WWP2: variants seen among roughly 807,000 people sequenced by gnomAD.
The protein encoded by WWP2 is WW domain containing E3 ubiquitin protein ligase 2.
WWP2 carries 57 observed loss-of-function variants against 121.0 expected under a neutral mutation model. The ratio of observed to expected loss-of-function variants is 0.47; its 90% CI spans 0.38 to 0.59. The LOEUF (loss-of-function observed/expected upper bound fraction) is 0.59. Ranked by LOEUF, WWP2 falls within the 20% of genes least tolerant of loss-of-function variation. The pLI, the probability that WWP2 is intolerant of heterozygous loss-of-function variation, is 0.00. For missense variants in WWP2, 962 were observed against 1,158.9 expected, an observed-to-expected ratio of 0.83 and a Z score of 2.47; for synonymous variants, 449 against 441.3, an observed-to-expected ratio of 1.02 and a Z score of -0.22.
chr16:69,802,161 C>G lies in WWP2; in HGVS notation c.340+2866C>G, dbSNP rs537591805. 1.2e-3 allele frequency among the ~76,000 whole-genome samples: 177 copies of G among 152,190 alleles called. 2 individuals carry two copies. Among genetic ancestry groups the G allele is most frequent in the Middle Eastern group, 3.4e-3 (1 of 294 alleles). On this transcript the variant is annotated intron_variant, in intron 4 of 23. Transcript: ENST00000359154. ...GCCAGGCTGGTCTCGATCTCCTGAC[C>G]TCGTGATCTGCCCGCCTCGGCCTCC...
chr16:69,929,993 A>G lies in WWP2; in HGVS notation c.1317-137A>G, dbSNP rs2270839. Reference sequence around the variant, plus strand: ...CAGAACTGTTCTCACGACTTGGGTCATGCTTCTTGGGTGCATGTCCTCAAA... The same window carrying G: ...CAGAACTGTTCTCACGACTTGGGTCGTGCTTCTTGGGTGCATGTCCTCAAA... On this transcript the variant is annotated intron_variant, in intron 12 of 23. Transcript: ENST00000359154. 2.0e-3 allele frequency: 2,657 copies of G among 1,330,692 alleles called. 32 individuals are homozygous for G. The East Asian group carries it at 0.026, about 13-fold the overall frequency. The allele number at this position is 1,330,692 out of a possible 1,614,324, so 82.4% of individuals were successfully genotyped here.
At chr16:69,900,590 T>C (rs2058188823) in intron 8 of WWP2, among the ~76,000 whole-genome samples, 1 of 152,054 alleles carries the variant, frequency 6.6e-6, no homozygotes, top group Admixed American at 6.6e-5. Flanking sequence ...TGGTGCGATC[T>C]CAGATCACTG....
rs1177597515 is a variant in WWP2, at chr16:69,766,993, A to G, written c.-16+4602A>G. Among the ~76,000 whole-genome samples, 3 of 150,658 alleles carry G rather than the reference A, an allele frequency of 2.0e-5. No homozygotes were observed. In the East Asian group the frequency reaches 5.8e-4, roughly 29 times the overall value. ...AGCCTCAAAATCCTGACCTCAAGTG[A>G]TCTGCCTGCCTCGGCCTCCCAAAGT... On this transcript the variant is annotated intron_variant, in intron 1 of 23. Coordinates refer to ENST00000359154, the MANE Select transcript of WWP2 (RefSeq NM_001270454.2).
At chr16:69,849,068 C>T (rs1037911759) in intron 6 of WWP2, among the ~76,000 whole-genome samples, 16 of 152,208 alleles carry the variant, frequency 1.1e-4, no homozygotes, top group Non-Finnish European at 1.5e-4. Flanking sequence ...AAAGCCTAAC[C>T]GTCTCCGGTG....
At chr16:69,863,365 C>T (rs1348839001) in intron 6 of WWP2, among the ~76,000 whole-genome samples, 2 of 152,124 alleles carry the variant, frequency 1.3e-5, no homozygotes, top group Admixed American at 6.5e-5. Context: ...AAAGGCTGGG[C>T]GTGATGGCTC....
At chr16:69,915,099 G>A (rs903416237) in intron 9 of WWP2, among the ~76,000 whole-genome samples, 5 of 152,230 alleles carry the variant, frequency 3.3e-5, no homozygotes, top group African/African-American at 1.2e-4. Context: ...AGATGTGGCC[G>A]AGAGAGGAAG....
chr16:69,917,937 T>C, intron 10 of WWP2, 54 bp downstream of exon 10: 1 of 1,515,446 alleles, frequency 6.6e-7, no homozygotes, highest in Non-Finnish European at 8.9e-7. Flanking sequence ...CGCTTGCGAA[T>C]GTGCAGCCAC....
intron 1 of WWP2, among the ~76,000 whole-genome samples, chr16:69,768,559 G>C (rs1286065360): frequency 6.6e-6 from 1 of 152,092 alleles, no homozygotes; most frequent in African/African-American, 2.4e-5. Flanking sequence ...GCAGTGAGCC[G>C]AGATTGCATC....
intron 6 of WWP2, among the ~76,000 whole-genome samples, chr16:69,849,855 G>A (rs1035298080): frequency 5.5e-5 from 4 of 72,808 alleles, no homozygotes; most frequent in Non-Finnish European, 9.1e-5. Flanking sequence ...TTATACATTG[G>A]TTTATTTTGC....
At chr16:69,777,444 G>A (rs895288098) in intron 1 of WWP2, among the ~76,000 whole-genome samples, 2 of 151,588 alleles carry the variant, frequency 1.3e-5, no homozygotes, top group Admixed American at 1.3e-4. Flanking sequence ...GGGATTACAG[G>A]CACCTGCCAC....
chr16:69,836,079 A>C (rs533792005), intron 4 of WWP2, among the ~76,000 whole-genome samples: 36 of 152,358 alleles, frequency 2.4e-4, no homozygotes, highest in African/African-American at 8.2e-4. Context: ...CTGGGATTAC[A>C]GACGTGAGCC....
At chr16:69,776,616 G>A (rs1032706660) in intron 1 of WWP2, among the ~76,000 whole-genome samples, 2 of 152,106 alleles carry the variant, frequency 1.3e-5, no homozygotes, top group Non-Finnish European at 2.9e-5. Context: ...GATCACCTGA[G>A]GTCAGGTGTT....
intron 10 of WWP2, among the ~76,000 whole-genome samples, chr16:69,919,487 C>T (rs907254897): frequency 4.6e-5 from 7 of 151,992 alleles, no homozygotes; most frequent in African/African-American, 1.7e-4. Context: ...TTTTCTCGTC[C>T]AGAATTGTGG....
intron 9 of WWP2, among the ~76,000 whole-genome samples, chr16:69,912,630 A>T (rs1464091649): frequency 1.3e-5 from 2 of 151,796 alleles, no homozygotes; most frequent in African/African-American, 2.4e-5. Context: ...AGAAACATAG[A>T]TTGTGATATT....
chr16:69,933,468 A>G (rs1271568849), intron 16 of WWP2, among the ~76,000 whole-genome samples: 1 of 152,182 alleles, frequency 6.6e-6, no homozygotes, highest in Non-Finnish European at 1.5e-5. Flanking sequence ...TTACATTGTC[A>G]TGGATCGGGG....
chr16:69,865,111 G>A (rs756475186), intron 6 of WWP2, among the ~76,000 whole-genome samples: 3 of 151,176 alleles, frequency 2.0e-5, no homozygotes, highest in South Asian at 4.2e-4. Flanking sequence ...GTGCAGTGGC[G>A]TGATCTCGGC....
chr16:69,867,264 G>C (rs1342111585), intron 6 of WWP2, among the ~76,000 whole-genome samples: 1 of 152,006 alleles, frequency 6.6e-6, no homozygotes, highest in Admixed American at 6.6e-5. Flanking sequence ...CACGTGGTCA[G>C]CCAGGCTCAC....
At chr16:69,850,080 C>T (rs537696241) in intron 6 of WWP2, among the ~76,000 whole-genome samples, 31 of 152,100 alleles carry the variant, frequency 2.0e-4, no homozygotes, top group Non-Finnish European at 2.6e-4. Context: ...TCTGAGCTGT[C>T]GTGGTGATTA....
chr16:69,922,783 C>T (rs748549444), intron 10 of WWP2, among the ~76,000 whole-genome samples: 9 of 152,158 alleles, frequency 5.9e-5, no homozygotes, highest in Non-Finnish European at 1.2e-4. Context: ...TATCCAAAAT[C>T]GTCAAGTGCT....
Sources: gnomAD v4.1 joint callset for allele counts (sites outside exome capture counted in the v4.1 genomes callset) on GRCh38, gnomAD v4.1.1 for gene constraint, MANE v1.5 for transcripts, NCBI Gene and HGNC (gene_info 2026-07-23, HGNC 2026-07-21) for gene names.